Variants in ZNF787 observed in about 807,000 individuals in gnomAD.
The protein encoded by ZNF787 is TTF-I-interacting peptide 20.
ZNF787 carries 7 observed loss-of-function variants against 16.9 expected under a neutral mutation model. The ratio of observed to expected loss-of-function variants is 0.42; its 90% CI spans 0.24 to 0.78. ZNF787 has a LOEUF of 0.78. ZNF787 is among the 30% of genes least tolerant of loss of function. The pLI, the probability that ZNF787 is intolerant of heterozygous loss-of-function variation, is 0.30. For missense variants in ZNF787, 551 were observed against 589.3 expected (o/e 0.94, Z 0.67); for synonymous variants, 345 against 270.9 (o/e 1.27, Z -2.69).
chr19:56,102,102 G>A (rs117406589), intron 2 of ZNF787: 3,560 of 152,368 alleles, frequency 0.023, 59 homozygotes, highest in Middle Eastern at 0.034. Flanking sequence ...AAAAGGGGCT[G>A]AGGTGCTTTA....
chr19:56,093,985 C>T (rs987595967), intron 2 of ZNF787, among the ~76,000 whole-genome samples: 1 of 151,878 alleles, frequency 6.6e-6, no homozygotes, highest in Non-Finnish European at 1.5e-5. Flanking sequence ...ATTTTCTTTT[C>T]CTAACTTGTT....
chr19:56,103,286 G>A, intron 1 of ZNF787, 59 bp from the exon 2 acceptor site: 1 of 1,445,306 alleles, frequency 6.9e-7, no homozygotes, highest in Admixed American at 2.5e-5. Context: ...CTGCACCGAG[G>A]GCCCTGCAGG....
intron 1 of ZNF787, among the ~76,000 whole-genome samples, chr19:56,119,143 C>T (rs1326126533): frequency 6.6e-6 from 1 of 152,174 alleles, no homozygotes; most frequent in Non-Finnish European, 1.5e-5. Flanking sequence ...CTACCTTGTG[C>T]TTGCACAGAA....
At position 56,087,510 on chromosome 19, in the gene ZNF787, G is replaced by A. The variant is rs773858642; in HGVS notation, c.*513C>T. 4 of 152,220 alleles carry A rather than the reference G, an allele frequency of 2.6e-5. No individual in the cohort carries two copies. Among genetic ancestry groups the A allele is most frequent in the South Asian group, 4.1e-4 (2 of 4,836 alleles). 9.4% of individuals were successfully genotyped at this position (152,220 alleles called of 1,614,324 possible). A position where few individuals can be genotyped will look rare whatever the true frequency, so the allele number is the denominator to read the frequency against. ...AAGGAACGACTCGAGCTCTAAGGAT[G>A]GGACCCGGAAGGCAGAAAAAAATAA... On this transcript the variant is annotated 3_prime_UTR_variant, in exon 3 of 3. Transcript: ENST00000610935.
intron 2 of ZNF787, 128 bp from the exon 3 acceptor site, chr19:56,089,220 T>C: frequency 1.8e-6 from 1 of 553,300 alleles, no homozygotes; most frequent in South Asian, 3.4e-5. Flanking sequence ...GTCCTCAGAG[T>C]GTGCATCACT....
At chr19:56,116,108 C>T (rs920469944) in intron 1 of ZNF787, among the ~76,000 whole-genome samples, 1 of 152,044 alleles carries the variant, frequency 6.6e-6, no homozygotes, top group Non-Finnish European at 1.5e-5. Context: ...GTGCATCTTC[C>T]TCTCAATTTT....
chr19:56,106,512 T>A (rs1239947813), intron 1 of ZNF787, among the ~76,000 whole-genome samples: 1 of 152,260 alleles, frequency 6.6e-6, no homozygotes, highest in African/African-American at 2.4e-5. Context: ...CAGAGTTGCC[T>A]ACTGAGGTGG....
chr19:56,096,870 C>T (rs893720466), intron 2 of ZNF787, among the ~76,000 whole-genome samples: 3 of 152,184 alleles, frequency 2.0e-5, no homozygotes, highest in East Asian at 3.9e-4. Context: ...TCCTCAGAAG[C>T]GGAATGTCTT....
chr19:56,102,921 A>C, intron 2 of ZNF787: 1 of 707,508 alleles, frequency 1.4e-6, no homozygotes, highest in Non-Finnish European at 2.6e-6. Flanking sequence ...GGTCCCCAAG[A>C]TCATCCAGCA....
In ZNF787 at chr19:56,087,993, C is replaced by G. The variant is rs1361209685; in HGVS notation, c.*30G>C. ...GTCGCTCCCGCCAAGCCCGAGGGGC[C>G]CTGCCCGCCCCCCCCCCCGGGCCCC... is the stretch of plus-strand genomic sequence containing the variant. On this transcript the variant is annotated 3_prime_UTR_variant, in exon 3 of 3. Coordinates refer to ENST00000610935, the MANE Select transcript of ZNF787 (RefSeq NM_001002836.4). 9.3e-5 allele frequency: 118 copies of G among 1,264,764 alleles called. No individual in the cohort carries two copies. The highest frequency in any genetic ancestry group is 1.2e-4 in the Non-Finnish European group (117 of 1,012,842). 78.3% of individuals were successfully genotyped at this position (1,264,764 alleles called of 1,614,324 possible). A position where few individuals can be genotyped will look rare whatever the true frequency, so the allele number is the denominator to read the frequency against.
chr19:56,109,839 A>C (rs924441607), intron 1 of ZNF787, among the ~76,000 whole-genome samples: 1 of 152,054 alleles, frequency 6.6e-6, no homozygotes, highest in Non-Finnish European at 1.5e-5. Context: ...AGCCGAGATC[A>C]CGCCACTGCA....
chr19:56,112,878 T>TTCCC (rs2030021420), intron 1 of ZNF787, among the ~76,000 whole-genome samples: 1 of 126,348 alleles, frequency 7.9e-6, no homozygotes. Flanking sequence ...GACCAGCCGT[T>TTCCC]CCCCCCACCC....
chr19:56,110,693 C>CCCAGCTCAGAGCCTTCCCCTGGCCT (rs1463641120), intron 1 of ZNF787, among the ~76,000 whole-genome samples: 1 of 152,240 alleles, frequency 6.6e-6, no homozygotes, highest in Non-Finnish European at 1.5e-5. Context: ...GCAGGGACTT[C>CCCAGCTCAGAGCCTTCCCCTGGCCT]CCAGCTCAGA....
chr19:56,114,389 G>A (rs1159710768), intron 1 of ZNF787, among the ~76,000 whole-genome samples: 1 of 123,942 alleles, frequency 8.1e-6, no homozygotes, highest in African/African-American at 3.5e-5. Context: ...CTGAGGGGCC[G>A]GGCTCAGTCC....
intron 2 of ZNF787, among the ~76,000 whole-genome samples, chr19:56,093,146 G>A (rs1374980078): frequency 2.0e-5 from 3 of 151,842 alleles, no homozygotes; most frequent in Admixed American, 6.6e-5. Flanking sequence ...CACAGGGGAT[G>A]GCGGAACTGG....
At chr19:56,106,479 G>C (rs1421558076) in intron 1 of ZNF787, among the ~76,000 whole-genome samples, 2 of 152,362 alleles carry the variant, frequency 1.3e-5, no homozygotes, top group East Asian at 3.9e-4. Flanking sequence ...GCCCGCCCGC[G>C]AGTCTTCAAT....
chr19:56,092,836 G>A (rs558531354), intron 2 of ZNF787, among the ~76,000 whole-genome samples: 3 of 151,238 alleles, frequency 2.0e-5, no homozygotes, highest in African/African-American at 7.3e-5. Flanking sequence ...AATATCCATA[G>A]ACACAAGGGG....
At chr19:56,093,585 C>T (rs1194144025) in intron 2 of ZNF787, among the ~76,000 whole-genome samples, 2 of 152,148 alleles carry the variant, frequency 1.3e-5, no homozygotes, top group African/African-American at 4.8e-5. Flanking sequence ...CATCCCTTTC[C>T]CTGGTCAGTT....
chr19:56,088,186 C>G lies in ZNF787; in HGVS notation c.986G>C (p.Gly329Ala). 6.5e-7 allele frequency: 1 copy of G among 1,544,248 alleles called. No homozygotes were observed. The highest frequency in any genetic ancestry group is 8.7e-7 in the Non-Finnish European group (1 of 1,151,258). The change falls in exon 3 of 3, where the codon GGC (glycine) becomes GCC (alanine). Residue 329 changes from glycine to alanine, a missense_variant. Gly to Ala is a moderately conservative substitution (Grantham distance 60). This residue lies in a region of ZNF787 where 392 missense variants were observed against 312.7 expected (regional missense o/e 1.25). Coordinates refer to ENST00000610935, the MANE Select transcript of ZNF787 (RefSeq NM_001002836.4). This position sits in a 1 kb window ranked among gnomAD's most constrained non-coding sequence, Gnocchi z 8.6. ...CVECGEGFVQ[G>A]AALRRHKKIH... The stretch of plus-strand genomic sequence containing the variant: ...CTTCTTGTGTCTCCGGAGCGCGGCG[C>G]CCTGCACGAAGCCCTCCCCGCACTC...
Sources: allele counts gnomAD v4.1 joint callset (sites outside exome capture counted in the v4.1 genomes callset), GRCh38; gene constraint gnomAD v4.1.1; regional missense constraint gnomAD v4.1.1; non-coding constraint Gnocchi (gnomAD v3.1); transcripts MANE v1.5; gene names NCBI Gene and HGNC (gene_info 2026-07-23, HGNC 2026-07-21).